The following CACNA2D3 variants were observed in gnomAD, a reference collection of about 807,000 sequenced individuals.
CACNA2D3 encodes voltage-dependent calcium channel subunit alpha-2/delta-3.
Under a neutral mutation model 160.6 loss-of-function variants are expected in CACNA2D3, and 60 were observed. The observed-to-expected ratio is 0.37, with a 90% CI of 0.30 to 0.46. The LOEUF is 0.46. CACNA2D3 is among the 20% of genes least tolerant of loss of function. CACNA2D3 has a pLI of 1.00. For missense variants in CACNA2D3, 1,205 were observed against 1,365.0 expected (o/e 0.88, Z 1.85); for synonymous variants, 558 against 492.9 (o/e 1.13, Z -1.75).
chr3:54,324,108 G>A (rs1298066939), intron 3 of CACNA2D3, among the ~76,000 whole-genome samples: 1 of 152,074 alleles, frequency 6.6e-6, no homozygotes, highest in African/African-American at 2.4e-5. Context: ...AGTTAGTGCT[G>A]GGGGAAAAAA....
intron 4 of CACNA2D3, among the ~76,000 whole-genome samples, chr3:54,413,430 A>G (rs560831169): frequency 2.6e-4 from 39 of 147,870 alleles, no homozygotes; most frequent in Non-Finnish European, 3.1e-4. Context: ...ATATCTATAT[A>G]TATATATATC....
chr3:54,250,477 A>G (rs960679714), intron 2 of CACNA2D3, among the ~76,000 whole-genome samples: 1 of 152,176 alleles, frequency 6.6e-6, no homozygotes, highest in African/African-American at 2.4e-5. Flanking sequence ...TTTGTCACCT[A>G]GACTGGAGTG....
Position 54,724,930 on chromosome 3 carries a change from A to G in CACNA2D3, c.1168-27669A>G, listed in dbSNP as rs1051384641. On this transcript the variant is annotated intron_variant, in intron 11 of 37. Coordinates refer to ENST00000474759, the MANE Select transcript of CACNA2D3 (RefSeq NM_018398.3). ...AGAATTAAGATCAGAGCAGAACTGA[A>G]GGAGATACAGACACGAAAAACACTT... Among the ~76,000 whole-genome samples the G allele has an allele frequency of 1.2e-4, 19 of 152,370 alleles. No individual in the cohort carries two copies. The East Asian group carries it at 3.7e-3, about 29-fold the overall frequency.
At chr3:54,302,804 G>A (rs1192588214) in intron 2 of CACNA2D3, among the ~76,000 whole-genome samples, 1 of 151,674 alleles carries the variant, frequency 6.6e-6, no homozygotes, top group Non-Finnish European at 1.5e-5. Context: ...GGTTGTACAC[G>A]GAGGCATCTG....
chr3:54,329,740 A>C (rs1704202872), intron 3 of CACNA2D3, among the ~76,000 whole-genome samples: 1 of 152,330 alleles, frequency 6.6e-6, no homozygotes, highest in African/African-American at 2.4e-5. Flanking sequence ...ATGACAGAAG[A>C]AAGCCATAAT....
intron 4 of CACNA2D3, among the ~76,000 whole-genome samples, chr3:54,475,713 CAAAT>C (rs764919976): frequency 7.5e-4 from 114 of 151,486 alleles, no homozygotes; most frequent in Non-Finnish European, 2.1e-4. Context: ...GACAAATAAA[CAAAT>C]AAACATTGTA....
intron 2 of CACNA2D3, among the ~76,000 whole-genome samples, chr3:54,309,595 G>A (rs986526386): frequency 6.6e-6 from 1 of 152,116 alleles, no homozygotes; most frequent in Non-Finnish European, 1.5e-5. Context: ...ATTTAGTCAG[G>A]CACTCTAAAA....
At chr3:54,431,409 T>C (rs1447109817) in intron 4 of CACNA2D3, among the ~76,000 whole-genome samples, 1 of 151,718 alleles carries the variant, frequency 6.6e-6, no homozygotes. Context: ...TGAAAGTGGA[T>C]CAATCATAAA....
At chr3:55,018,711 C>A (rs1157441872) in intron 35 of CACNA2D3, among the ~76,000 whole-genome samples, 1 of 152,050 alleles carries the variant, frequency 6.6e-6, no homozygotes, top group Middle Eastern at 3.4e-3. Context: ...GGAAATGTTT[C>A]TTGGTGGTTG....
intron 11 of CACNA2D3, among the ~76,000 whole-genome samples, chr3:54,678,651 G>C (rs1015851489): frequency 3.6e-5 from 5 of 140,606 alleles, no homozygotes; most frequent in Non-Finnish European, 6.1e-5. Context: ...AAGCCGGGAG[G>C]TGGAGGTTGT....
chr3:54,785,469 G>A (rs1271678037), intron 13 of CACNA2D3, among the ~76,000 whole-genome samples: 2 of 152,074 alleles, frequency 1.3e-5, no homozygotes, highest in Non-Finnish European at 2.9e-5. Flanking sequence ...TTTTGGTAGA[G>A]GAGGCTGTCA....
At chr3:54,798,785 C>A (rs1022897121) in intron 13 of CACNA2D3, among the ~76,000 whole-genome samples, 2 of 152,194 alleles carry the variant, frequency 1.3e-5, no homozygotes, top group African/African-American at 4.8e-5. Context: ...GGGCACATTT[C>A]AGCACACAAG....
chr3:54,413,915 CTTTT>C (rs11296998), intron 4 of CACNA2D3, among the ~76,000 whole-genome samples: 1 of 139,598 alleles, frequency 7.2e-6, no homozygotes. Context: ...TTTTAAGTCA[CTTTT>C]TTTTTTTTTG....
intron 2 of CACNA2D3, among the ~76,000 whole-genome samples, chr3:54,268,161 G>A (rs1380112674): frequency 2.0e-5 from 3 of 152,182 alleles, no homozygotes; most frequent in African/African-American, 7.2e-5. Flanking sequence ...GTTTAAAGAA[G>A]CAGCTCATAT....
intron 5 of CACNA2D3, among the ~76,000 whole-genome samples, chr3:54,515,200 G>GAGAA (rs1491101946): frequency 1.7e-5 from 1 of 58,370 alleles, no homozygotes; most frequent in Admixed American, 1.9e-4. Context: ...GTGTGTGTGT[G>GAGAA]AGAGAGAGAG....
chr3:54,383,370 G>A (rs148639684), intron 3 of CACNA2D3, among the ~76,000 whole-genome samples: 117 of 152,266 alleles, frequency 7.7e-4, no homozygotes, highest in African/African-American at 2.7e-3. Context: ...TCTCCTATTG[G>A]CATCAGAGGG....
chr3:54,409,076 T>C (rs1699622920), intron 4 of CACNA2D3, among the ~76,000 whole-genome samples: 1 of 152,228 alleles, frequency 6.6e-6, no homozygotes, highest in African/African-American at 2.4e-5. Flanking sequence ...CTTCATTTTA[T>C]TGTGCTTTGC....
intron 3 of CACNA2D3, among the ~76,000 whole-genome samples, chr3:54,373,259 G>C (rs1198831438): frequency 6.6e-6 from 1 of 152,140 alleles, no homozygotes; most frequent in Non-Finnish European, 1.5e-5. Context: ...ATTTGTTCTT[G>C]ATTTCATTTG....
At chr3:54,216,589 A>G (rs1430143045) in intron 2 of CACNA2D3, among the ~76,000 whole-genome samples, 4 of 152,246 alleles carry the variant, frequency 2.6e-5, no homozygotes, top group African/African-American at 9.6e-5. Flanking sequence ...ATGAGGAAAA[A>G]GCATTTCACA....
Sources: gnomAD v4.1 joint callset for allele counts (sites outside exome capture counted in the v4.1 genomes callset) on GRCh38, gnomAD v4.1.1 for gene constraint, MANE v1.5 for transcripts, NCBI Gene and HGNC (gene_info 2026-07-23, HGNC 2026-07-21) for gene names.